The following UGT1A9 variants were observed in gnomAD, a reference collection of about 807,000 sequenced individuals.
The protein encoded by UGT1A9 is UDP glucuronosyltransferase family 1 member A9, also known as UDP-glucuronosyltransferase 1A9.
Under a neutral mutation model 45.0 loss-of-function variants are expected in UGT1A9, and 35 were observed. That is an observed-to-expected ratio of 0.78 (90% CI 0.59 to 1.03). The LOEUF is 1.03. Among genes scored for constraint, UGT1A9 ranks in the 50% least tolerant of loss-of-function variants. The pLI, the probability that UGT1A9 is intolerant of heterozygous loss-of-function variation, is 0.00. For missense variants in UGT1A9, 687 were observed against 666.6 expected, an observed-to-expected ratio of 1.03 and a Z score of -0.34; for synonymous variants, 278 against 250.6, an observed-to-expected ratio of 1.11 and a Z score of -1.03.
intron 1 of UGT1A9, chr2:233,754,454 C>T: frequency 5.6e-6 from 2 of 355,014 alleles, no homozygotes; most frequent in Admixed American, 3.8e-5. Context: ...TTCTTGGGTA[C>T]AGCTGTTCTG....
At chr2:233,754,118 A>C (rs562649705) in intron 1 of UGT1A9, among the ~76,000 whole-genome samples, 4 of 152,236 alleles carry the variant, frequency 2.6e-5, no homozygotes, top group Non-Finnish European at 5.9e-5. Flanking sequence ...CATCACGAGC[A>C]TTTATGTGCA....
chr2:233,693,522 G>C lies in UGT1A9; in HGVS notation c.855+20733G>C. On this transcript the variant is annotated intron_variant, in intron 1 of 4. Coordinates refer to ENST00000354728, the MANE Select transcript of UGT1A9 (RefSeq NM_021027.3). Reference sequence around the variant, plus strand: ...CTACCATCTGTGTACCTCTTCAGGGGTTTTCCGTGTTCCCTGGAGCATACA... The same window carrying C: ...CTACCATCTGTGTACCTCTTCAGGGCTTTTCCGTGTTCCCTGGAGCATACA... 6.2e-7 allele frequency: 1 copy of C among 1,614,162 alleles called. No individual in the cohort carries two copies. The highest frequency in any genetic ancestry group is 8.5e-7 in the Non-Finnish European group (1 of 1,180,018).
chr2:233,734,084 C>T (rs112644087), intron 1 of UGT1A9, among the ~76,000 whole-genome samples: 1 of 151,970 alleles, frequency 6.6e-6, no homozygotes. Flanking sequence ...TGTGCACATG[C>T]ACCCTAAAAC....
chr2:233,753,749 G>A (rs143381120), intron 1 of UGT1A9: 2 of 152,342 alleles, frequency 1.3e-5, no homozygotes, highest in African/African-American at 4.8e-5. Context: ...CAATAGGACA[G>A]TTTTGCGTGG....
intron 1 of UGT1A9, among the ~76,000 whole-genome samples, chr2:233,726,609 C>G (rs927536139): frequency 3.4e-4 from 51 of 152,176 alleles, no homozygotes; most frequent in African/African-American, 1.2e-3. Flanking sequence ...ATTACACTGT[C>G]CTGCCCAGAT....
rs2012736 is a variant in UGT1A9 at position 233,713,733 on chromosome 2, C to A, written c.855+40944C>A. ...TCAGAGAGAGGTGTCAGTGGTGGAT[C>A]TTGTCAGCCATGCATCTGTGTGGCT... On this transcript the variant is annotated intron_variant, in intron 1 of 4. Transcript: ENST00000354728. The A allele has an allele frequency of 0.091, 144,275 of 1,587,018 alleles. 8,662 individuals carry two copies. The highest frequency in any genetic ancestry group is 0.18 in the South Asian group (15,785 of 87,122).
intron 1 of UGT1A9, among the ~76,000 whole-genome samples, chr2:233,727,395 G>C (rs1447240084): frequency 2.6e-5 from 4 of 152,142 alleles, no homozygotes; most frequent in Non-Finnish European, 4.4e-5. Context: ...CGTCTTCCAA[G>C]ATACATGGGC....
Position 233,720,957 on chromosome 2 carries a change from C to T in UGT1A9, c.856-46077C>T, listed in dbSNP as rs1032077883. 4.6e-5 allele frequency among the ~76,000 whole-genome samples: 7 copies of T among 151,348 alleles called. No homozygotes were observed. In the East Asian group the frequency reaches 5.8e-4, roughly 13 times the overall value. On this transcript the variant is annotated intron_variant, in intron 1 of 4. Transcript: ENST00000354728. ...AACTCCTGACCTCATGTGATCTGCC[C>T]GCCTCGGCCTCCCAAAGTGCTGGGA...
In UGT1A9 at chr2:233,769,851, C is replaced by A; in HGVS notation, c.1295+1412C>A. On this transcript the variant is annotated intron_variant, in intron 4 of 4. Coordinates refer to ENST00000354728, the MANE Select transcript of UGT1A9 (RefSeq NM_021027.3). The surrounding 1 kb of genome is among the most constrained non-coding windows in gnomAD (Gnocchi z 4.4). ...GCAACCTGGGCAACAGAGTGAGACC[C>A]TGTCTCAAAAAAAAAAAAAAAAATG... The A allele has an allele frequency of 2.1e-6, 1 of 479,202 alleles. No homozygotes were observed. Among genetic ancestry groups the A allele is most frequent in the Non-Finnish European group, 3.3e-6 (1 of 301,676 alleles). The allele number at this position is 479,202 out of a possible 1,614,324, so 29.7% of individuals were successfully genotyped here. A position where few individuals can be genotyped will look rare whatever the true frequency, so the allele number is the denominator to read the frequency against.
chr2:233,677,455 C>T (rs1478706967), intron 1 of UGT1A9, among the ~76,000 whole-genome samples: 1 of 152,068 alleles, frequency 6.6e-6, no homozygotes, highest in Non-Finnish European at 1.5e-5. Context: ...AAAGCCTTGC[C>T]AATACCATAA....
In UGT1A9 at chr2:233,769,240, G is replaced by A. The variant is rs1056982803; in HGVS notation, c.1295+801G>A. The stretch of plus-strand genomic sequence containing the variant: ...TTAGAATAAGAGCAAAGGAAAATTT[G>A]CTCAAATGTGGCCCTGAAAACGATT... On this transcript the variant is annotated intron_variant, in intron 4 of 4. Transcript: ENST00000354728. This position sits in a 1 kb window ranked among gnomAD's most constrained non-coding sequence, Gnocchi z 4.4. 6.6e-6 allele frequency among the ~76,000 whole-genome samples: 1 copy of A among 152,196 alleles called. No individual in the cohort carries two copies. The highest frequency in any genetic ancestry group is 6.5e-5 in the Admixed American group (1 of 15,280).
intron 1 of UGT1A9, among the ~76,000 whole-genome samples, 177 bp from the exon 2 acceptor site, chr2:233,766,857 A>C (rs1004098004): frequency 1.3e-5 from 2 of 152,224 alleles, no homozygotes; most frequent in Non-Finnish European, 2.9e-5. Flanking sequence ...CTTTAGAAGG[A>C]AGTAAAGGAG....
At chr2:233,744,355 C>G (rs563473520) in intron 1 of UGT1A9, among the ~76,000 whole-genome samples, 6 of 151,952 alleles carry the variant, frequency 3.9e-5, no homozygotes, top group African/African-American at 1.2e-4. Context: ...TGAAGACATC[C>G]TGTTGTTTAG....
Position 233,768,303 on chromosome 2 carries a change from A to C in UGT1A9, c.1159A>C (p.Met387Leu). The change falls in exon 4 of 5, where the codon ATG (methionine) becomes CTG (leucine). Residue 387 changes from methionine (M) to leucine (L), a missense_variant. Met to Leu is a conservative substitution (Grantham distance 15, BLOSUM62 2). Coordinates refer to ENST00000354728, the MANE Select transcript of UGT1A9 (RefSeq NM_021027.3). ...ESICNGVPMV[M>L]MPLFGDQMDN... ...CATATGCAATGGCGTTCCCATGGTG[A>C]TGATGCCCTTGTTTGGTGATCAGAT... 2 of 1,614,200 alleles carry C rather than the reference A, an allele frequency of 1.2e-6. No individual in the cohort carries two copies. Among genetic ancestry groups the C allele is most frequent in the Non-Finnish European group, 1.7e-6 (2 of 1,180,040 alleles).
At chr2:233,728,864 C>G (rs2077757785) in intron 1 of UGT1A9, among the ~76,000 whole-genome samples, 1 of 152,164 alleles carries the variant, frequency 6.6e-6, no homozygotes, top group African/African-American at 2.4e-5. Flanking sequence ...GAAACAAGAG[C>G]TTGAACTTGG....
chr2:233,695,628 G>A (rs1370697803), intron 1 of UGT1A9, among the ~76,000 whole-genome samples: 1 of 151,214 alleles, frequency 6.6e-6, no homozygotes, highest in African/African-American at 2.4e-5. Flanking sequence ...CTACCTCCAT[G>A]AGACCCACTT....
intron 1 of UGT1A9, among the ~76,000 whole-genome samples, chr2:233,735,518 T>G (rs2078663521): frequency 6.6e-6 from 1 of 152,220 alleles, no homozygotes; most frequent in South Asian, 2.1e-4. Context: ...ACATTTAAGG[T>G]AAATATTGTT....
At chr2:233,717,835 A>G (rs773677565) in intron 1 of UGT1A9, 3 of 455,164 alleles carry the variant, frequency 6.6e-6, no homozygotes, top group South Asian at 4.7e-5. Flanking sequence ...TTCTGGAGGA[A>G]CCATTCTTAT....
At chr2:233,741,466 G>C (rs577572519) in intron 1 of UGT1A9, 1 of 149,788 alleles carries the variant, frequency 6.7e-6, no homozygotes, top group Non-Finnish European at 1.5e-5. Flanking sequence ...CTTCACACAT[G>C]TAAGTTCCCT....
Sources: gnomAD v4.1 joint callset for allele counts (sites outside exome capture counted in the v4.1 genomes callset) on GRCh38, gnomAD v4.1.1 for gene constraint, Gnocchi (gnomAD v3.1) non-coding constraint, MANE v1.5 for transcripts, NCBI Gene and HGNC (gene_info 2026-07-23, HGNC 2026-07-21) for gene names.